The following CCDC3 variants were observed in gnomAD, a reference collection of about 807,000 sequenced individuals.
The protein encoded by CCDC3 is coiled-coil domain-containing protein 3.
In CCDC3, 24 loss-of-function variants were observed where a neutral mutation model predicts 21.4. That is an observed-to-expected ratio of 1.12 (90% CI 0.81 to 1.58). CCDC3 has a LOEUF of 1.58. CCDC3 is among the 40% of genes most tolerant of loss of function. The pLI is 0.00. For missense variants in CCDC3, 425 were observed against 360.9 expected (o/e 1.18, Z -1.44); for synonymous variants, 186 against 166.0 (o/e 1.12, Z -0.93).
chr10:12,901,844 T>A (rs191528908), intron 2 of CCDC3, among the ~76,000 whole-genome samples: 1 of 152,234 alleles, frequency 6.6e-6, no homozygotes, highest in Non-Finnish European at 1.5e-5. Flanking sequence ...CAAGGCACAC[T>A]GGGTCCCACC....
intron 2 of CCDC3, among the ~76,000 whole-genome samples, chr10:12,915,571 G>A (rs1834340300): frequency 6.6e-6 from 1 of 152,152 alleles, no homozygotes; most frequent in African/African-American, 2.4e-5. Context: ...ATAATTTGGT[G>A]TTTGCACATT....
rs574806346 is a variant in CCDC3, at chr10:12,998,544, C to T, written c.375-32G>A. The T allele has an allele frequency of 6.9e-6, 11 of 1,604,320 alleles. No homozygotes were observed. In the South Asian group the frequency reaches 1.0e-4, roughly 15 times the overall value. On this transcript the variant is annotated intron_variant, in intron 1 of 2. Coordinates refer to ENST00000378825, the MANE Select transcript of CCDC3 (RefSeq NM_031455.4). The stretch of plus-strand genomic sequence containing the variant: ...GAGGAAAAAAAGGCAGACATGTAGG[C>T]TAGACAGTCAAGGGTGTACCAGCTC...
At chr10:13,064,190 C>T (rs951205642) in intron 4 of CCDC3, among the ~76,000 whole-genome samples, 1 of 152,174 alleles carries the variant, frequency 6.6e-6, no homozygotes, top group Admixed American at 6.5e-5. Context: ...TCCGAAAGTG[C>T]AGGGATTACA....
chr10:12,925,266 G>C (rs1302074401), intron 2 of CCDC3, among the ~76,000 whole-genome samples: 1 of 152,148 alleles, frequency 6.6e-6, no homozygotes, highest in Non-Finnish European at 1.5e-5. Context: ...CCAGCCAGTG[G>C]GAGAGCTGTT....
chr10:12,956,726 AG>A (rs1381990921), intron 2 of CCDC3, among the ~76,000 whole-genome samples: 1 of 152,164 alleles, frequency 6.6e-6, no homozygotes, highest in Admixed American at 6.5e-5. Flanking sequence ...GCCTTGGCCT[AG>A]AACAGCTACA....
intron 2 of CCDC3, among the ~76,000 whole-genome samples, chr10:12,922,803 C>G (rs967684226): frequency 6.6e-6 from 1 of 152,110 alleles, no homozygotes; most frequent in African/African-American, 2.4e-5. Context: ...CAGAAAATGC[C>G]CACTTAGATG....
upstream of CCDC3, among the ~76,000 whole-genome samples, chr10:13,001,933 C>T (rs573425798): frequency 4.6e-5 from 7 of 152,236 alleles, no homozygotes; most frequent in African/African-American, 1.2e-4. Context: ...AATCTCCTGG[C>T]GCCCCACGAT....
rs556787152 is a variant in CCDC3, at chr10:12,949,987, G to T, written c.549+48351C>A. Among the ~76,000 whole-genome samples the T allele has an allele frequency of 1.7e-4, 26 of 152,282 alleles. No individual in the cohort carries two copies. In the South Asian group the frequency reaches 4.6e-3, roughly 27 times the overall value. On this transcript the variant is annotated intron_variant, in intron 2 of 2. Transcript: ENST00000378825. ...GCCTACTTTGGGTTCACACACCTGT[G>T]TTCTCTCCTAGTTGGTGCCACCTGT... is the stretch of plus-strand genomic sequence containing the variant.
intron 2 of CCDC3, among the ~76,000 whole-genome samples, chr10:12,913,684 T>C (rs1834305113): frequency 6.6e-6 from 1 of 152,272 alleles, no homozygotes; most frequent in South Asian, 2.1e-4. Context: ...AGCTTTCAAC[T>C]ATTCACCACG....
intron 3 of CCDC3, among the ~76,000 whole-genome samples, chr10:13,087,780 C>T (rs959727678): frequency 2.0e-5 from 3 of 152,072 alleles, no homozygotes; most frequent in Non-Finnish European, 2.9e-5. Flanking sequence ...CCATAGCCGC[C>T]GCTTTCCTAT....
At chr10:13,052,057 G>C (rs1221742386) in intron 4 of CCDC3, among the ~76,000 whole-genome samples, 2 of 152,118 alleles carry the variant, frequency 1.3e-5, no homozygotes, top group Non-Finnish European at 2.9e-5. Context: ...AGCCTAGAAG[G>C]TGCAAATTAC....
intron 4 of CCDC3, among the ~76,000 whole-genome samples, chr10:13,062,789 G>A (rs1303122633): frequency 1.3e-5 from 2 of 152,254 alleles, no homozygotes; most frequent in African/African-American, 4.8e-5. Context: ...TCATGCAGCT[G>A]GAGGCTACAA....
intron 2 of CCDC3, among the ~76,000 whole-genome samples, chr10:12,947,766 A>T (rs1371535): frequency 0.032 from 4,897 of 152,326 alleles, 243 homozygotes; most frequent in African/African-American, 0.11. Flanking sequence ...TCTTGTATGA[A>T]GAGATGAGTT....
At chr10:13,003,085 T>C (rs1282003471), upstream of CCDC3, among the ~76,000 whole-genome samples, 2 of 152,182 alleles carry the variant, frequency 1.3e-5, no homozygotes, top group Admixed American at 6.5e-5. Context: ...AGGGGAGACA[T>C]AATTCAGTCT....
At chr10:12,949,187 G>T (rs1589018134) in intron 2 of CCDC3, among the ~76,000 whole-genome samples, 1 of 152,150 alleles carries the variant, frequency 6.6e-6, no homozygotes, top group East Asian at 1.9e-4. Context: ...CTTAGTAAAA[G>T]CTGCTAAGAG....
chr10:12,929,520 A>G (rs2131225677), intron 2 of CCDC3, among the ~76,000 whole-genome samples: 1 of 151,780 alleles, frequency 6.6e-6, no homozygotes, highest in East Asian at 1.9e-4. Context: ...CTTTTGATAG[A>G]CAACACCCTG....
At chr10:12,900,690 C>CA (rs547349413) in intron 2 of CCDC3, among the ~76,000 whole-genome samples, 20,692 of 63,064 alleles carry the variant, frequency 0.33, 3,126 homozygotes, top group Middle Eastern at 0.38. Context: ...CACTCCATCT[C>CA]AAAAAAAAAA....
At chr10:13,067,782 G>A (rs1056265748) in intron 4 of CCDC3, among the ~76,000 whole-genome samples, 1 of 152,208 alleles carries the variant, frequency 6.6e-6, no homozygotes, top group African/African-American at 2.4e-5. Flanking sequence ...CTTTAGCAAA[G>A]TTTGAAAGCC....
At chr10:12,995,939 A>T (rs1589034680) in intron 2 of CCDC3, among the ~76,000 whole-genome samples, 2 of 152,236 alleles carry the variant, frequency 1.3e-5, no homozygotes, top group Admixed American at 1.3e-4. Context: ...TTGTGACCAT[A>T]GTGCTAAGAA....
Sources: allele counts gnomAD v4.1 joint callset (sites outside exome capture counted in the v4.1 genomes callset), GRCh38; gene constraint gnomAD v4.1.1; transcripts MANE v1.5; gene names NCBI Gene and HGNC (gene_info 2026-07-23, HGNC 2026-07-21).